ATF6: variants seen among roughly 807,000 people sequenced by gnomAD.
The protein encoded by ATF6 is activating transcription factor 6, also known as cyclic AMP-dependent transcription factor ATF-6 alpha.
Under a neutral mutation model 83.6 loss-of-function variants are expected in ATF6, and 53 were observed. The ratio of observed to expected loss-of-function variants is 0.63; its 90% CI spans 0.51 to 0.80. ATF6 has a LOEUF of 0.80. Among genes scored for constraint, ATF6 ranks in the 30% least tolerant of loss-of-function variants. The pLI, the probability that ATF6 is intolerant of heterozygous loss-of-function variation, is 0.00. For missense variants in ATF6, 744 were observed against 797.9 expected, an observed-to-expected ratio of 0.93 and a Z score of 0.81; for synonymous variants, 288 against 285.8, an observed-to-expected ratio of 1.01 and a Z score of -0.08.
chr1:161,849,136 G>A (rs1686553928), intron 10 of ATF6, among the ~76,000 whole-genome samples: 1 of 152,160 alleles, frequency 6.6e-6, no homozygotes, highest in African/African-American at 2.4e-5. Context: ...AGATTTATAA[G>A]AAGAGGTGTT....
At chr1:161,797,276 CCT>C (rs1266593399) in intron 6 of ATF6, among the ~76,000 whole-genome samples, 1 of 151,896 alleles carries the variant, frequency 6.6e-6, no homozygotes, top group African/African-American at 2.4e-5. Context: ...CAAGGATGTC[CCT>C]CTCACCACTC....
intron 14 of ATF6, among the ~76,000 whole-genome samples, chr1:161,864,876 A>C (rs1191795414): frequency 6.6e-6 from 1 of 152,240 alleles, no homozygotes; most frequent in African/African-American, 2.4e-5. Context: ...AAGTAGGAGA[A>C]AAAAAGTAAA....
At chr1:161,842,748 G>A (rs916326384) in intron 9 of ATF6, among the ~76,000 whole-genome samples, 3 of 152,084 alleles carry the variant, frequency 2.0e-5, no homozygotes, top group Non-Finnish European at 4.4e-5. Context: ...AAAACCTATG[G>A]AAATAAAAAA....
At chr1:161,850,454 C>T (rs118005021) in intron 10 of ATF6, among the ~76,000 whole-genome samples, 21 of 152,256 alleles carry the variant, frequency 1.4e-4, no homozygotes, top group South Asian at 4.1e-4. Context: ...ATCTCCTTCT[C>T]GGACCATTTT....
chr1:161,870,974 T>G, intron 14 of ATF6, among the ~76,000 whole-genome samples: 1 of 151,818 alleles, frequency 6.6e-6, no homozygotes, highest in African/African-American at 2.4e-5. Context: ...CTTTTCAGGT[T>G]GTATGCTTTC....
Position 161,814,924 on chromosome 1 carries a change from G to GCAA in ATF6, c.910-4709_910-4708insCAA, listed in dbSNP as rs1685576048. ...CTGCAATACATATGCAATAATGTATGTTATGTAATTTTTATTTAATTGAAA... is the reference window on the plus strand; with the variant it reads ...CTGCAATACATATGCAATAATGTATGCAATTATGTAATTTTTATTTAATTGAAA... On this transcript the variant is annotated intron_variant, in intron 7 of 15. Coordinates refer to ENST00000367942, the MANE Select transcript of ATF6 (RefSeq NM_007348.4). Among the ~76,000 whole-genome samples the GCAA allele has an allele frequency of 2.0e-5, 3 of 152,186 alleles. No individual in the cohort carries two copies. In the South Asian group the frequency reaches 6.2e-4, roughly 31 times the overall value.
chr1:161,936,499 TG>T (rs1016963726), intron 15 of ATF6, among the ~76,000 whole-genome samples: 32 of 152,338 alleles, frequency 2.1e-4, no homozygotes, highest in African/African-American at 7.2e-4. Flanking sequence ...ATGTTACAGA[TG>T]TTTTTCAAAC....
chr1:161,904,648 C>A (rs371813975), intron 14 of ATF6, among the ~76,000 whole-genome samples: 1 of 150,124 alleles, frequency 6.7e-6, no homozygotes, highest in South Asian at 2.1e-4. Context: ...CACACACACA[C>A]AAAACTGAAT....
At chr1:161,809,223 T>C (rs1685387850) in intron 7 of ATF6, among the ~76,000 whole-genome samples, 1 of 149,876 alleles carries the variant, frequency 6.7e-6, no homozygotes, top group African/African-American at 2.5e-5. Context: ...GGCCCTGGTG[T>C]GTGATGTTCC....
chr1:161,769,694 C>T (rs1439055927), intron 1 of ATF6, among the ~76,000 whole-genome samples: 1 of 151,964 alleles, frequency 6.6e-6, no homozygotes, highest in African/African-American at 2.4e-5. Flanking sequence ...ACTAGATGGT[C>T]TCATCTGGGG....
At chr1:161,840,377 G>C (rs1686326312) in intron 9 of ATF6, 1 of 152,144 alleles carries the variant, frequency 6.6e-6, no homozygotes, top group Non-Finnish European at 1.5e-5. Flanking sequence ...TCAGCTTTTT[G>C]TGTGTGGCTC....
chr1:161,823,860 C>T (rs1194288617), intron 9 of ATF6, among the ~76,000 whole-genome samples: 1 of 152,150 alleles, frequency 6.6e-6, no homozygotes, highest in African/African-American at 2.4e-5. Context: ...CACACTTGCC[C>T]AACTGCTGCC....
At chr1:161,895,066 T>C (rs1452350056) in intron 14 of ATF6, among the ~76,000 whole-genome samples, 1 of 151,990 alleles carries the variant, frequency 6.6e-6, no homozygotes, top group East Asian at 1.9e-4. Flanking sequence ...TGAAACCCTG[T>C]CTCAAGCAAA....
chr1:161,769,065 T>C (rs1200343493), intron 1 of ATF6, among the ~76,000 whole-genome samples: 1 of 152,216 alleles, frequency 6.6e-6, no homozygotes, highest in Non-Finnish European at 1.5e-5. Flanking sequence ...AAACATTTTC[T>C]GTAAAGGTTC....
intron 15 of ATF6, among the ~76,000 whole-genome samples, chr1:161,945,801 C>A (rs185764869): frequency 6.6e-6 from 1 of 152,158 alleles, no homozygotes; most frequent in Non-Finnish European, 1.5e-5. Flanking sequence ...AAGCATTTCA[C>A]GCATGCTGGC....
Position 161,852,286 on chromosome 1 carries a change from A to AG in ATF6, c.1433+452dup, listed in dbSNP as rs934048857. Among the ~76,000 whole-genome samples the AG allele has an allele frequency of 2.6e-5, 4 of 152,186 alleles. No homozygotes were observed. In the South Asian group the frequency reaches 6.2e-4, roughly 24 times the overall value. ...CCCTTAAAACCTCAAAAACTACCTC[A>AG]GATTTTTTGTGATATGTAGTAATCA... On this transcript the variant is annotated intron_variant, in intron 11 of 15. Transcript: ENST00000367942.
In ATF6 at chr1:161,812,282, T is replaced by C. The variant is rs546732678; in HGVS notation, c.910-7351T>C. On this transcript the variant is annotated intron_variant, in intron 7 of 15. Coordinates refer to ENST00000367942, the MANE Select transcript of ATF6 (RefSeq NM_007348.4). ...GCTTCTTTAGTGATTAAATAACATT[T>C]CATGCTTTGTGTGTGTGTGTGTGTG... Among the ~76,000 whole-genome samples, 451 of 106,238 alleles carry C rather than the reference T, an allele frequency of 4.2e-3. 1 individual carries two copies. The highest frequency in any genetic ancestry group is 0.016 in the African/African-American group (436 of 27,932). 69.7% of individuals were successfully genotyped at this position (106,238 alleles called of 152,430 possible).
Position 161,821,106 on chromosome 1 carries a change from G to C in ATF6, c.1132G>C (p.Val378Leu), listed in dbSNP as rs2101785667. Reference sequence around the variant, plus strand: ...TAAAGTCCCTAGTCCAAAGCGAAGAGTTGTCTGTGTGATGATAGTATTGGC... The same window carrying C: ...TAAAGTCCCTAGTCCAAAGCGAAGACTTGTCTGTGTGATGATAGTATTGGC... Reference protein sequence around the residue: ...RLKVPSPKRRVVCVMIVLAFI... With the variant: ...RLKVPSPKRRLVCVMIVLAFI... Residue 378 changes from valine to leucine, a missense_variant, in exon 9 of 16, where the codon GTT becomes CTT. Physicochemically the swap from Val to Leu is conservative, Grantham distance 32. Coordinates refer to ENST00000367942, the MANE Select transcript of ATF6 (RefSeq NM_007348.4). The C allele has an allele frequency of 6.2e-7, 1 of 1,613,230 alleles. No individual in the cohort carries two copies. Among genetic ancestry groups the C allele is most frequent in the Non-Finnish European group, 8.5e-7 (1 of 1,179,536 alleles).
chr1:161,787,065 G>A (rs1684762872), intron 4 of ATF6, among the ~76,000 whole-genome samples: 1 of 152,112 alleles, frequency 6.6e-6, no homozygotes, highest in African/African-American at 2.4e-5. Context: ...TCTGTGGCAG[G>A]AATGTCACAG....
Sources: gnomAD v4.1 joint callset for allele counts (sites outside exome capture counted in the v4.1 genomes callset) on GRCh38, gnomAD v4.1.1 for gene constraint, MANE v1.5 for transcripts, NCBI Gene and HGNC (gene_info 2026-07-23, HGNC 2026-07-21) for gene names.